COL24A1: variants seen among roughly 807,000 people sequenced by gnomAD.
COL24A1 encodes collagen alpha-1(XXIV) chain.
A neutral mutation model predicts 253.9 loss-of-function variants in COL24A1; 224 were observed. That is an observed-to-expected ratio of 0.88 (90% confidence interval 0.79 to 0.99). The LOEUF (loss-of-function observed/expected upper bound fraction) is 0.99, where lower values mean the gene tolerates loss of function less well. Among genes scored for constraint, COL24A1 ranks in the 50% least tolerant of loss-of-function variants. The pLI is 0.00. For synonymous variants in COL24A1, 685 were observed against 673.7 expected (o/e 1.02, Z -0.26); for missense variants, 2,131 against 2,068.5 (o/e 1.03, Z -0.59).
intron 47 of COL24A1, among the ~76,000 whole-genome samples, chr1:85,811,744 T>C (rs1672567572): frequency 6.6e-6 from 1 of 152,234 alleles, no homozygotes; most frequent in Non-Finnish European, 1.5e-5. Context: ...TTACTGGTCA[T>C]TTGTAAATCT....
intron 28 of COL24A1, among the ~76,000 whole-genome samples, chr1:85,900,351 A>G (rs1684156521): frequency 6.6e-6 from 1 of 152,194 alleles, no homozygotes; most frequent in South Asian, 2.1e-4. Flanking sequence ...TTTAAAGTAC[A>G]CTACTGGGCT....
rs543475592 is a variant in COL24A1, at chr1:85,834,718, T to C, written c.3681+3867A>G. 2.6e-5 allele frequency among the ~76,000 whole-genome samples: 4 copies of C among 152,320 alleles called. No homozygotes were observed. The South Asian group carries it at 8.3e-4, about 32-fold the overall frequency. ...TGAGTTAATCTTGGCTATTTATGTT[T>C]CCATTTATACCTTTAAATAAAGTGT... On this transcript the variant is annotated intron_variant, in intron 43 of 59. Transcript: ENST00000370571.
At chr1:85,790,395 T>C (rs888508102) in intron 47 of COL24A1, among the ~76,000 whole-genome samples, 9 of 152,140 alleles carry the variant, frequency 5.9e-5, no homozygotes, top group Admixed American at 2.6e-4. Context: ...GGGTTAGCGA[T>C]GATATCTCCT....
In COL24A1 at chr1:85,795,287, A is replaced by G. The variant is rs569833238; in HGVS notation, c.3952-8826T>C. Among the ~76,000 whole-genome samples, 5 of 152,286 alleles carry G rather than the reference A, an allele frequency of 3.3e-5. No individual in the cohort carries two copies. In the South Asian group the frequency reaches 1.0e-3, roughly 32 times the overall value. Reference sequence around the variant, plus strand: ...GCACACATTTAGAAAAAAGATACAGAGACAAATTTTGGAATGATGATTACT... The same window carrying G: ...GCACACATTTAGAAAAAAGATACAGGGACAAATTTTGGAATGATGATTACT... On this transcript the variant is annotated intron_variant, in intron 47 of 59. Transcript: ENST00000370571.
intron 24 of COL24A1, among the ~76,000 whole-genome samples, chr1:85,927,640 A>C (rs1243195880): frequency 1.1e-5 from 1 of 89,172 alleles, no homozygotes; most frequent in Admixed American, 1.2e-4. Context: ...GGCACAGACA[A>C]ACAAAAAGAC....
intron 42 of COL24A1, among the ~76,000 whole-genome samples, chr1:85,840,619 C>T (rs954686913): frequency 6.6e-6 from 1 of 152,044 alleles, no homozygotes; most frequent in Non-Finnish European, 1.5e-5. Context: ...ATTTAATTTA[C>T]ATATGGTCTT....
intron 20 of COL24A1, among the ~76,000 whole-genome samples, chr1:85,977,750 G>GATGGTGTTAAATGGCCA (rs1201152253): frequency 5.9e-5 from 9 of 152,178 alleles, no homozygotes; most frequent in African/African-American, 2.2e-4. Context: ...CCAAACCTAA[G>GATGGTGTTAAATGGCCA]AATAATTGGT....
chr1:85,950,526 T>C (rs1029074324), intron 24 of COL24A1, among the ~76,000 whole-genome samples: 1 of 152,156 alleles, frequency 6.6e-6, no homozygotes, highest in African/African-American at 2.4e-5. Flanking sequence ...TTGAACCCAG[T>C]AAGTATTAGG....
At chr1:85,964,897 T>C in intron 23 of COL24A1, 112 bp downstream of exon 23, 3 of 856,534 alleles carry the variant, frequency 3.5e-6, no homozygotes, top group Non-Finnish European at 5.5e-6. Flanking sequence ...AGTTTTAACA[T>C]CTCACTGGTT....
chr1:86,117,105 A>C (rs557797741), intron 3 of COL24A1, among the ~76,000 whole-genome samples: 7 of 152,342 alleles, frequency 4.6e-5, no homozygotes, highest in African/African-American at 1.7e-4. Context: ...TTCTTTAAAA[A>C]TGTCTAGTTT....
At chr1:85,984,091 T>G (rs1036300223) in intron 20 of COL24A1, among the ~76,000 whole-genome samples, 2 of 151,804 alleles carry the variant, frequency 1.3e-5, no homozygotes, top group Non-Finnish European at 3.0e-5. Context: ...ATTTCAAGAC[T>G]AAAAGAATTA....
At chr1:85,872,313 A>G (rs188153229) in intron 35 of COL24A1, among the ~76,000 whole-genome samples, 1 of 152,326 alleles carries the variant, frequency 6.6e-6, no homozygotes, top group East Asian at 1.9e-4. Flanking sequence ...CAAGCTACCA[A>G]TGACTTTCTT....
At chr1:86,041,176 C>G (rs1699448778) in intron 12 of COL24A1, among the ~76,000 whole-genome samples, 2 of 152,122 alleles carry the variant, frequency 1.3e-5, no homozygotes, top group African/African-American at 4.8e-5. Flanking sequence ...TTATTTTGCC[C>G]ACCATTCTAG....
chr1:86,064,129 G>A (rs759753212), intron 7 of COL24A1, among the ~76,000 whole-genome samples: 2 of 151,994 alleles, frequency 1.3e-5, no homozygotes, highest in Non-Finnish European at 2.9e-5. Context: ...AGTTTTAGTT[G>A]AATAGTGCTA....
chr1:86,020,404 T>C (rs1045348058), intron 18 of COL24A1, among the ~76,000 whole-genome samples: 5 of 152,076 alleles, frequency 3.3e-5, no homozygotes, highest in Admixed American at 3.3e-4. Flanking sequence ...GGTACCATGG[T>C]GGTTAAATAC....
intron 12 of COL24A1, 110 bp from the exon 13 acceptor site, chr1:86,034,033 CT>C: frequency 2.7e-6 from 2 of 729,552 alleles, no homozygotes; most frequent in South Asian, 5.0e-5. Context: ...AACTCTTAAA[CT>C]GTAATGCAAC....
In COL24A1 at chr1:85,745,524, AT is replaced by A; in HGVS notation, c.4438-19del. 1 of 1,594,042 alleles carries A rather than the reference AT, an allele frequency of 6.3e-7. No individual in the cohort carries two copies. The highest frequency in any genetic ancestry group is 8.6e-7 in the Non-Finnish European group (1 of 1,168,170). On this transcript the variant is annotated intron_variant, in intron 55 of 59. Coordinates refer to ENST00000370571, the MANE Select transcript of COL24A1 (RefSeq NM_152890.7). Reference sequence around the variant, plus strand: ...ATTTGCTTCTGTGTAAAACAAAACCATTTGAGATTAGCAATAAGATCAACAC... The same window carrying A: ...ATTTGCTTCTGTGTAAAACAAAACCATTGAGATTAGCAATAAGATCAACAC...
intron 52 of COL24A1, among the ~76,000 whole-genome samples, chr1:85,776,955 A>AT (rs561997139): frequency 0.061 from 9,180 of 149,546 alleles, 342 homozygotes; most frequent in Middle Eastern, 0.089. Flanking sequence ...TTATTTACTT[A>AT]TTTTTTTTTT....
intron 5 of COL24A1, 46 bp from the exon 6 acceptor site, chr1:86,092,366 A>G (rs1184846080): frequency 7.5e-7 from 1 of 1,329,486 alleles, no homozygotes; most frequent in Admixed American, 1.8e-5. Flanking sequence ...TAAGTTGCAT[A>G]TAATGTGTCA....
Sources: gnomAD v4.1 joint callset for allele counts (sites outside exome capture counted in the v4.1 genomes callset) on GRCh38, gnomAD v4.1.1 for gene constraint, MANE v1.5 for transcripts, NCBI Gene and HGNC (gene_info 2026-07-23, HGNC 2026-07-21) for gene names.